Variants in TFEC observed in about 807,000 individuals in gnomAD.
The protein encoded by TFEC is class E basic helix-loop-helix protein 34.
A neutral mutation model predicts 41.6 loss-of-function variants in TFEC; 31 were observed. That is an observed-to-expected ratio of 0.74 (90% CI 0.56 to 1.01). TFEC has a LOEUF of 1.01. Ranked by LOEUF, TFEC falls within the 50% of genes least tolerant of loss-of-function variation. The probability of loss-of-function intolerance (pLI) is 0.00; values close to 1 mark genes in which losing one functional copy is unlikely to be tolerated. For synonymous variants in TFEC, 143 were observed against 140.6 expected, an observed-to-expected ratio of 1.02 and a Z score of -0.12; for missense variants, 402 against 404.1, an observed-to-expected ratio of 0.99 and a Z score of 0.04.
At chr7:116,112,542 AT>A (rs1304461723) in intron 1 of TFEC, among the ~76,000 whole-genome samples, 1 of 152,034 alleles carries the variant, frequency 6.6e-6, no homozygotes, top group East Asian at 1.9e-4. Flanking sequence ...AGCTGTACAC[AT>A]GACAATTGGT....
chr7:116,101,189 C>T (rs1433910334), intron 3 of TFEC, among the ~76,000 whole-genome samples: 2 of 86,698 alleles, frequency 2.3e-5, no homozygotes, highest in African/African-American at 9.1e-5. Context: ...CACTTTCATG[C>T]CCCCCCCCAA....
chr7:115,954,601 C>T lies in TFEC; in HGVS notation c.424G>A (p.Asp142Asn). The change falls in exon 5 of 8, where the codon GAC becomes AAC. Residue 142 changes from aspartate to asparagine, a missense_variant. Transcript: ENST00000265440. ...ATATACTCACTGAGGTTGTGGTTGT[C>T]CTTTTTTTGTCTCTCTTTTGCTAAA... ...RALAKERQKK[D>N]NHNLIERRRR... The T allele has an allele frequency of 1.9e-6, 3 of 1,611,606 alleles. No individual in the cohort carries two copies. The highest frequency in any genetic ancestry group is 2.2e-5 in the South Asian group (2 of 90,848).
Position 115,940,294 on chromosome 7 carries a change from T to G in TFEC, c.*257A>C, listed in dbSNP as rs906157473. ...AGAGCTATTTCTTATGCTGTACCTC[T>G]TTTCAGGAAAACAGAATTTAAGTGG... On this transcript the variant is annotated 3_prime_UTR_variant, in exon 8 of 8. Transcript: ENST00000265440. 2.4e-5 allele frequency: 9 copies of G among 368,510 alleles called. No homozygotes were observed. The highest frequency in any genetic ancestry group is 4.4e-5 in the Non-Finnish European group (9 of 202,762). 22.8% of individuals were successfully genotyped at this position (368,510 alleles called of 1,614,324 possible). A position where few individuals can be genotyped will look rare whatever the true frequency, so the allele number is the denominator to read the frequency against.
At chr7:116,035,304 C>G (rs73218461), upstream of TFEC, among the ~76,000 whole-genome samples, 27,518 of 151,862 alleles carry the variant, frequency 0.18, 2,545 homozygotes, top group East Asian at 0.33. Flanking sequence ...CTTTAGGTTA[C>G]AATGTCCCCC....
chr7:115,966,402 A>G (rs748347523), intron 3 of TFEC, among the ~76,000 whole-genome samples: 2 of 151,688 alleles, frequency 1.3e-5, no homozygotes, highest in Non-Finnish European at 2.9e-5. Context: ...CATGATCCTA[A>G]CATACGTGCT....
chr7:115,952,245 A>C (rs1352785879), intron 5 of TFEC, among the ~76,000 whole-genome samples: 1 of 151,944 alleles, frequency 6.6e-6, no homozygotes, highest in African/African-American at 2.4e-5. Context: ...CACCAATCCT[A>C]TTTCCCCTGT....
chr7:116,133,009 A>G (rs562649343), intron 1 of TFEC, among the ~76,000 whole-genome samples: 1 of 152,298 alleles, frequency 6.6e-6, no homozygotes, highest in Non-Finnish European at 1.5e-5. Context: ...TTTCTTCAAA[A>G]CAGTTTTAAG....
chr7:116,022,019 G>A (rs1008883101), intron 1 of TFEC, among the ~76,000 whole-genome samples: 2 of 152,156 alleles, frequency 1.3e-5, no homozygotes, highest in Admixed American at 6.5e-5. Flanking sequence ...CTGCCTGAGA[G>A]CTATGAAAGG....
intron 1 of TFEC, among the ~76,000 whole-genome samples, chr7:115,988,052 C>A (rs1408144895): frequency 2.0e-5 from 3 of 152,064 alleles, no homozygotes; most frequent in Non-Finnish European, 2.9e-5. Context: ...TCCTAACATG[C>A]TGCTATTGCA....
chr7:116,154,021 A>G (rs991008711), intron 1 of TFEC, among the ~76,000 whole-genome samples: 5 of 152,170 alleles, frequency 3.3e-5, no homozygotes, highest in African/African-American at 4.8e-5. Flanking sequence ...TTGTAAGGAG[A>G]GAAGAGTGTT....
At chr7:116,042,954 T>G (rs149607488) in intron 3 of TFEC, among the ~76,000 whole-genome samples, 1 of 152,298 alleles carries the variant, frequency 6.6e-6, no homozygotes, top group Non-Finnish European at 1.5e-5. Flanking sequence ...GTGAGAGAGC[T>G]GATCACAAAT....
intron 3 of TFEC, among the ~76,000 whole-genome samples, chr7:116,093,863 A>G (rs1255449691): frequency 6.6e-6 from 1 of 152,212 alleles, no homozygotes; most frequent in African/African-American, 2.4e-5. Flanking sequence ...AGTAACAGAA[A>G]TGTGGTAATG....
intron 3 of TFEC, among the ~76,000 whole-genome samples, chr7:115,962,711 A>C (rs1173714485): frequency 6.6e-6 from 1 of 151,870 alleles, no homozygotes; most frequent in Non-Finnish European, 1.5e-5. Flanking sequence ...AAATACATAA[A>C]CATAAGAAAA....
intron 3 of TFEC, among the ~76,000 whole-genome samples, chr7:116,098,750 A>T (rs1478319189): frequency 6.6e-6 from 1 of 152,160 alleles, no homozygotes; most frequent in Admixed American, 6.5e-5. Flanking sequence ...CTCTTTCAGA[A>T]AATATCATTT....
intron 3 of TFEC, among the ~76,000 whole-genome samples, chr7:115,971,278 C>T (rs879674781): frequency 7.2e-5 from 11 of 151,866 alleles, no homozygotes; most frequent in South Asian, 6.2e-4. Flanking sequence ...AAAATACTTC[C>T]TCTTAGGTAT....
At chr7:115,982,823 A>C (rs1382069152) in intron 2 of TFEC, among the ~76,000 whole-genome samples, 1 of 152,156 alleles carries the variant, frequency 6.6e-6, no homozygotes, top group Non-Finnish European at 1.5e-5. Flanking sequence ...GATAAAAGCA[A>C]AGGTAAGATG....
intron 1 of TFEC, among the ~76,000 whole-genome samples, chr7:116,145,745 A>G (rs1357328402): frequency 6.6e-6 from 1 of 152,182 alleles, no homozygotes; most frequent in Non-Finnish European, 1.5e-5. Flanking sequence ...AATGGACTTG[A>G]ATTCTTCACT....
Position 116,023,776 on chromosome 7 carries a change from T to A in TFEC, c.-73+6857A>T, listed in dbSNP as rs147139905. On this transcript the variant is annotated intron_variant, in intron 1 of 7. Transcript: ENST00000265440. ...AATCCACAGCACTCCCAGGGAAAAA[T>A]GCTAAATATCATTATCATTATTACA... Among the ~76,000 whole-genome samples the A allele has an allele frequency of 2.8e-4, 43 of 152,186 alleles. No homozygotes were observed. In the East Asian group the frequency reaches 7.9e-3, roughly 28 times the overall value.
At chr7:116,017,564 C>T (rs932862257) in intron 1 of TFEC, among the ~76,000 whole-genome samples, 1 of 152,090 alleles carries the variant, frequency 6.6e-6, no homozygotes, top group African/African-American at 2.4e-5. Flanking sequence ...CGTACCATGA[C>T]CTTCGTGTTG....
Sources: gnomAD v4.1 joint callset for allele counts (sites outside exome capture counted in the v4.1 genomes callset) on GRCh38, gnomAD v4.1.1 for gene constraint, MANE v1.5 for transcripts, NCBI Gene and HGNC (gene_info 2026-07-23, HGNC 2026-07-21) for gene names.